The following PAG1 variants were observed in gnomAD, a reference collection of about 807,000 sequenced individuals.
PAG1 encodes the protein phosphoprotein associated with glycosphingolipid-enriched microdomains 1.
In PAG1, 23 loss-of-function variants were observed where a neutral mutation model predicts 31.7. The observed-to-expected ratio is 0.73, with a 90% CI of 0.52 to 1.03. The LOEUF is 1.03. Among genes scored for constraint, PAG1 ranks in the 50% least tolerant of loss-of-function variants. The pLI is 0.00. For missense variants in PAG1, 473 were observed against 540.7 expected (o/e 0.87, Z 1.24); for synonymous variants, 214 against 210.3 (o/e 1.02, Z -0.15).
At chr8:81,111,277 C>A (rs1809769198) in intron 1 of PAG1, among the ~76,000 whole-genome samples, 1 of 152,170 alleles carries the variant, frequency 6.6e-6, no homozygotes, top group African/African-American at 2.4e-5. Flanking sequence ...CCCTGCCCAG[C>A]CCCTTCACCC....
chr8:81,021,939 A>G (rs999576834), intron 3 of PAG1, among the ~76,000 whole-genome samples: 5 of 152,212 alleles, frequency 3.3e-5, no homozygotes, highest in Non-Finnish European at 7.4e-5. Flanking sequence ...ACTTTAGAGG[A>G]GTCTGCATTT....
chr8:81,067,428 C>T (rs1809026448), intron 2 of PAG1: 1 of 152,224 alleles, frequency 6.6e-6, no homozygotes, highest in African/African-American at 2.4e-5. Flanking sequence ...TTGTTGACTA[C>T]TGGCCTAGAG....
intron 4 of PAG1, among the ~76,000 whole-genome samples, chr8:80,992,152 G>A (rs1807563574): frequency 9.9e-6 from 1 of 101,174 alleles, no homozygotes; most frequent in Non-Finnish European, 1.7e-5. Context: ...TACAGAAGCA[G>A]GCCGTCCAGG....
chr8:81,066,204 C>T lies in PAG1; in HGVS notation c.-175+3908G>A, dbSNP rs182232681. ...CCAATAACCCGTTGTGCATCAGACACAATCATGGCTTGGCTTCAGTCACAA... is the reference window on the plus strand; with the variant it reads ...CCAATAACCCGTTGTGCATCAGACATAATCATGGCTTGGCTTCAGTCACAA... On this transcript the variant is annotated intron_variant, in intron 2 of 8. Coordinates refer to ENST00000220597, the MANE Select transcript of PAG1 (RefSeq NM_018440.4). 3.9e-5 allele frequency among the ~76,000 whole-genome samples: 6 copies of T among 152,330 alleles called. No individual in the cohort carries two copies. The East Asian group carries it at 1.2e-3, about 29-fold the overall frequency.
chr8:81,101,832 TA>T (rs1809614975), intron 1 of PAG1, among the ~76,000 whole-genome samples: 3 of 151,698 alleles, frequency 2.0e-5, no homozygotes, highest in Admixed American at 2.0e-4. Context: ...TACACTAACA[TA>T]AAAATGTCTG....
chr8:81,095,567 C>T (rs1224979597), intron 1 of PAG1, among the ~76,000 whole-genome samples: 1 of 152,196 alleles, frequency 6.6e-6, no homozygotes, highest in East Asian at 1.9e-4. Context: ...TCCCTAGCCT[C>T]CCAGTCACTC....
chr8:81,102,516 A>G (rs978910791), intron 1 of PAG1, among the ~76,000 whole-genome samples: 3 of 152,160 alleles, frequency 2.0e-5, no homozygotes, highest in Non-Finnish European at 4.4e-5. Flanking sequence ...ACTTGCTAGA[A>G]ATTGCTTTCA....
At chr8:80,983,241 T>C (rs933325634) in intron 7 of PAG1, among the ~76,000 whole-genome samples, 10 of 152,180 alleles carry the variant, frequency 6.6e-5, no homozygotes, top group Admixed American at 6.5e-4. Flanking sequence ...AGCACAAACC[T>C]CACCCCCTTG....
At chr8:81,031,695 G>A (rs1350680507) in intron 2 of PAG1, among the ~76,000 whole-genome samples, 3 of 152,200 alleles carry the variant, frequency 2.0e-5, no homozygotes, top group African/African-American at 7.2e-5. Context: ...CACCAGATAT[G>A]AGTAAGATCC....
At chr8:81,025,958 A>G (rs748333659) in intron 3 of PAG1, among the ~76,000 whole-genome samples, 6 of 152,116 alleles carry the variant, frequency 3.9e-5, no homozygotes, top group Admixed American at 2.0e-4. Context: ...AAGCTCTGCT[A>G]TGGTCCAGGA....
At chr8:81,105,987 G>A (rs1006929383) in intron 1 of PAG1, among the ~76,000 whole-genome samples, 1 of 152,168 alleles carries the variant, frequency 6.6e-6, no homozygotes, top group South Asian at 2.1e-4. Context: ...GATTGGGTCA[G>A]CTGGACATCT....
chr8:81,101,574 C>A (rs760130121), intron 1 of PAG1, among the ~76,000 whole-genome samples: 2 of 152,116 alleles, frequency 1.3e-5, no homozygotes, highest in Non-Finnish European at 2.9e-5. Context: ...ATTCCTAACA[C>A]TTAAAAAAGG....
rs76609254 is a variant in PAG1, at chr8:81,050,177, C to T, written c.-175+19935G>A. On this transcript the variant is annotated intron_variant, in intron 2 of 8. Transcript: ENST00000220597. ...TTAAACACGTTTCATTGCTATTCCT[C>T]GATGCTCAAAACAGAATGATAGTGT... 6.0e-3 allele frequency among the ~76,000 whole-genome samples: 917 copies of T among 152,178 alleles called. 12 individuals carry two copies. Among genetic ancestry groups the T allele is most frequent in the African/African-American group, 0.021 (857 of 41,514 alleles).
At chr8:81,097,613 C>T (rs978564431) in intron 1 of PAG1, among the ~76,000 whole-genome samples, 5 of 151,404 alleles carry the variant, frequency 3.3e-5, no homozygotes, top group Non-Finnish European at 2.9e-5. Flanking sequence ...AGGCGAGGTT[C>T]GTAATTTCAC....
At chr8:81,034,507 C>A (rs1322320834) in intron 2 of PAG1, among the ~76,000 whole-genome samples, 1 of 152,162 alleles carries the variant, frequency 6.6e-6, no homozygotes, top group East Asian at 1.9e-4. Context: ...TGGAAATAAA[C>A]CAATAAACAA....
At chr8:81,053,077 G>C (rs1586190162) in intron 2 of PAG1, among the ~76,000 whole-genome samples, 1 of 152,122 alleles carries the variant, frequency 6.6e-6, no homozygotes, top group African/African-American at 2.4e-5. Context: ...AGAGAATGCA[G>C]AGTTAATAAT....
chr8:81,070,572 C>G (rs998751922), intron 1 of PAG1, among the ~76,000 whole-genome samples: 3 of 151,942 alleles, frequency 2.0e-5, no homozygotes, highest in Admixed American at 6.6e-5. Context: ...CAAACACAGA[C>G]CCCTAGAGCC....
At chr8:80,991,593 C>A (rs538304074) in intron 4 of PAG1, 63 bp from the exon 5 acceptor site, 3 of 1,071,742 alleles carry the variant, frequency 2.8e-6, no homozygotes, top group Non-Finnish European at 4.4e-6. Context: ...GCGCACACTA[C>A]CCTTTCCTAT....
intron 2 of PAG1, among the ~76,000 whole-genome samples, chr8:81,056,544 T>C (rs9692851): frequency 0.77 from 116,554 of 152,084 alleles, 45,316 homozygotes; most frequent in East Asian, 1. Flanking sequence ...TGGATCCCTT[T>C]CTTACACCTT....
Sources: gnomAD v4.1 joint callset for allele counts (sites outside exome capture counted in the v4.1 genomes callset) on GRCh38, gnomAD v4.1.1 for gene constraint, MANE v1.5 for transcripts, NCBI Gene and HGNC (gene_info 2026-07-23, HGNC 2026-07-21) for gene names.